Variants in ADGRV1 observed in about 807,000 individuals in gnomAD.
The protein encoded by ADGRV1 is adhesion G protein-coupled receptor V1, also known as G-protein coupled receptor 98.
In ADGRV1, 359 loss-of-function variants were observed where a neutral mutation model predicts 596.2. The observed-to-expected ratio is 0.60, with a 90% CI of 0.55 to 0.66. ADGRV1 has a LOEUF of 0.66. Ranked by LOEUF, ADGRV1 falls within the 30% of genes least tolerant of loss-of-function variation. The pLI is 0.00. For synonymous variants in ADGRV1, 2,681 were observed against 2,679.2 expected (o/e 1.00, Z -0.02); for missense variants, 7,274 against 7,575.6 (o/e 0.96, Z 1.48).
chr5:91,072,526 G>T lies in ADGRV1; in HGVS notation c.18232G>T (p.Val6078Leu). 1 of 1,613,868 alleles carries T rather than the reference G, an allele frequency of 6.2e-7. No individual in the cohort carries two copies. Among genetic ancestry groups the T allele is most frequent in the Admixed American group, 1.7e-5 (1 of 60,014 alleles). ...GACGTGCCTCGTGGTGGTGTTCGTG[G>T]TGTTCATCCATGCCTACCAGGTGAA... ...PLTCLVVVFV[V>L]FIHAYQVKPQ... The change falls in exon 86 of 90, where the codon GTG becomes TTG. Residue 6078 changes from valine to leucine, a missense_variant. By Grantham distance (32) the Val-to-Leu change is conservative. This residue lies in a region of ADGRV1 where 1,874 missense variants were observed against 1,970.2 expected (regional missense o/e 0.95). Coordinates refer to ENST00000405460, the MANE Select transcript of ADGRV1 (RefSeq NM_032119.4).
chr5:90,558,911 G>C lies in ADGRV1; in HGVS notation c.16G>C (p.Gly6Arg). 10 of 1,558,572 alleles carry C rather than the reference G, an allele frequency of 6.4e-6. No individual in the cohort carries two copies. Among genetic ancestry groups the C allele is most frequent in the South Asian group, 1.2e-5 (1 of 84,802 alleles). Residue 6 changes from glycine to arginine, a missense_variant, in exon 1 of 90, where the codon GGG becomes CGG. By Grantham distance (125) the Gly-to-Arg change is moderately radical. Coordinates refer to ENST00000405460, the MANE Select transcript of ADGRV1 (RefSeq NM_032119.4). MSVFL[G>R]PGMPSASLLV... ...GAGCGCGCGGATGTCGGTGTTCCTG[G>C]GGCCAGGTAGGCTATGGCTGAGGGG...
At chr5:90,937,621 C>T (rs932345916) in intron 83 of ADGRV1, among the ~76,000 whole-genome samples, 2 of 152,096 alleles carry the variant, frequency 1.3e-5, no homozygotes, top group Non-Finnish European at 2.9e-5. Context: ...CCACGCCCAG[C>T]TAATTTTTTG....
chr5:90,772,885 G>A (rs1314912702), intron 59 of ADGRV1, among the ~76,000 whole-genome samples: 1 of 152,198 alleles, frequency 6.6e-6, no homozygotes, highest in African/African-American at 2.4e-5. Context: ...AATACATTGA[G>A]TCTGATAGCG....
intron 5 of ADGRV1, among the ~76,000 whole-genome samples, chr5:90,624,695 A>G (rs1764511581): frequency 6.6e-6 from 1 of 152,182 alleles, no homozygotes; most frequent in Non-Finnish European, 1.5e-5. Flanking sequence ...CTAAATCTTT[A>G]GTACCTAAAA....
intron 85 of ADGRV1, among the ~76,000 whole-genome samples, chr5:91,071,559 A>C (rs1788390394): frequency 6.6e-6 from 1 of 152,196 alleles, no homozygotes; most frequent in African/African-American, 2.4e-5. Flanking sequence ...GAAGTCTAGA[A>C]ATGATGGGTT....
chr5:90,891,276 G>A (rs1166809343), intron 83 of ADGRV1, among the ~76,000 whole-genome samples: 3 of 150,642 alleles, frequency 2.0e-5, no homozygotes. Context: ...GTGTGTTGGA[G>A]TTAGCAATAG....
At chr5:91,041,031 T>A (rs1785295688) in intron 85 of ADGRV1, among the ~76,000 whole-genome samples, 1 of 152,198 alleles carries the variant, frequency 6.6e-6, no homozygotes, top group Admixed American at 6.5e-5. Flanking sequence ...CCAATTACAC[T>A]GTTGGTGGGA....
At chr5:91,121,009 A>G (rs999269727) in intron 87 of ADGRV1, among the ~76,000 whole-genome samples, 3 of 152,144 alleles carry the variant, frequency 2.0e-5, no homozygotes, top group African/African-American at 7.2e-5. Flanking sequence ...CCCCATTTCT[A>G]CTAAAAATAC....
intron 70 of ADGRV1, among the ~76,000 whole-genome samples, chr5:90,798,257 C>T (rs1222710199): frequency 6.6e-6 from 1 of 152,126 alleles, no homozygotes; most frequent in Non-Finnish European, 1.5e-5. Context: ...CCACTGATCC[C>T]ACAGAAATAC....
chr5:90,874,371 C>T (rs143956950), intron 83 of ADGRV1, among the ~76,000 whole-genome samples: 114 of 152,300 alleles, frequency 7.5e-4, no homozygotes, highest in African/African-American at 1.6e-3. Flanking sequence ...CCCACCCCTA[C>T]GGGGTCTCAT....
Position 90,823,480 on chromosome 5 carries a change from G to C in ADGRV1, c.16252G>C (p.Val5418Leu). Residue 5418 changes from valine to leucine, a missense_variant, in exon 76 of 90, where the codon GTG becomes CTG. Around this residue, in one of 5 missense-constraint regions of ADGRV1, gnomAD observed 1,874 missense variants for 1,970.2 expected, o/e 0.95. Transcript: ENST00000405460. ...WRVTLNKTVV[V>L]LQKDGVNLVE... Reference sequence around the variant, plus strand: ...AGTCACACTTAACAAAACAGTCGTCGTGCTCCAGAAGGATGGGGTAAACCT... The same window carrying C: ...AGTCACACTTAACAAAACAGTCGTCCTGCTCCAGAAGGATGGGGTAAACCT... The C allele has an allele frequency of 5.6e-6, 9 of 1,613,916 alleles. No homozygotes were observed. The highest frequency in any genetic ancestry group is 7.6e-6 in the Non-Finnish European group (9 of 1,179,848).
chr5:90,729,649 G>A lies in ADGRV1; in HGVS notation c.10434G>A (p.Gln3478=). The A allele has an allele frequency of 6.2e-7, 1 of 1,603,750 alleles. No homozygotes were observed. Among genetic ancestry groups the A allele is most frequent in the African/African-American group, 1.3e-5 (1 of 74,808 alleles). ...TCTATTTCATTATTGCAGGAGATCA[G>A]AATTCAATTGATATTTTCATCTGGG... ...IFAENVFLGD[Q]NSIDIFIWEM... Residue 3478 remains glutamine (Q), a synonymous_variant, in exon 50 of 90, where the codon CAG becomes CAA. Transcript: ENST00000405460.
intron 83 of ADGRV1, among the ~76,000 whole-genome samples, chr5:90,885,301 G>T (rs183529060): frequency 6.6e-6 from 1 of 152,194 alleles, no homozygotes; most frequent in East Asian, 1.9e-4. Context: ...CTTTCTAAAG[G>T]TTTTCTTGTT....
At chr5:91,103,370 T>C (rs1277027879) in intron 87 of ADGRV1, among the ~76,000 whole-genome samples, 1 of 151,414 alleles carries the variant, frequency 6.6e-6, no homozygotes, top group Non-Finnish European at 1.5e-5. Flanking sequence ...GTCCGGCCTC[T>C]CTGGGATCTG....
rs778312622 is a variant in ADGRV1, at chr5:91,072,590, G to A, written c.18296G>A (p.Arg6099Lys). The A allele has an allele frequency of 2.5e-6, 4 of 1,613,528 alleles. No individual in the cohort carries two copies. The highest frequency in any genetic ancestry group is 3.4e-6 in the Non-Finnish European group (4 of 1,179,656). The change falls in exon 86 of 90, where the codon AGG (arginine) becomes AAG (lysine). Residue 6099 changes from arginine (R) to lysine (K), a missense_variant. Physicochemically the swap from Arg to Lys is conservative, Grantham distance 26. Transcript: ENST00000405460. ...GCATATGATGATGTCTTCAGAGGAA[G>A]GACAAATGCTGCAGGTTTGAAAGGA... ...WKAYDDVFRG[R>K]TNAAEIPLIL...
At chr5:91,052,436 C>CTT (rs776174555) in intron 85 of ADGRV1, among the ~76,000 whole-genome samples, 6 of 140,428 alleles carry the variant, frequency 4.3e-5, no homozygotes, top group Admixed American at 7.2e-5. Flanking sequence ...CTGCATATTT[C>CTT]TTTTTTTTTT....
rs149820076 is a variant in ADGRV1 at position 91,138,644 on chromosome 5, T to G, written c.18433-11386T>G. Among the ~76,000 whole-genome samples the G allele has an allele frequency of 3.6e-4, 55 of 152,312 alleles. No homozygotes were observed. In the East Asian group the frequency reaches 0.01, roughly 28 times the overall value. On this transcript the variant is annotated intron_variant, in intron 87 of 89. Coordinates refer to ENST00000405460, the MANE Select transcript of ADGRV1 (RefSeq NM_032119.4). The stretch of plus-strand genomic sequence containing the variant: ...TGCTGGAATTATTACAATATTTATT[T>G]CTGTTTAGATGCTATATTATCTCAA...
In ADGRV1 at chr5:90,672,542, T is replaced by C. The variant is rs1364269341; in HGVS notation, c.4753-4T>C. 2.5e-6 allele frequency: 4 copies of C among 1,610,906 alleles called. No individual in the cohort carries two copies. The highest frequency in any genetic ancestry group is 2.5e-6 in the Non-Finnish European group (3 of 1,177,974). Reference sequence around the variant, plus strand: ...ACCTATTAATAATTTACATTCAATTTCAGATTGCAGAGGAGGGATCAACCA... The same window carrying C: ...ACCTATTAATAATTTACATTCAATTCCAGATTGCAGAGGAGGGATCAACCA... On this transcript the variant is annotated splice_region_variant and splice_polypyrimidine_tract_variant and intron_variant, in intron 21 of 89. Coordinates refer to ENST00000405460, the MANE Select transcript of ADGRV1 (RefSeq NM_032119.4).
chr5:90,577,617 T>C (rs1042328629), intron 1 of ADGRV1, among the ~76,000 whole-genome samples: 13 of 152,204 alleles, frequency 8.5e-5, no homozygotes, highest in South Asian at 8.3e-4. Context: ...TTTGGTTCCA[T>C]ATGAAGTTTA....
Sources: allele counts gnomAD v4.1 joint callset (sites outside exome capture counted in the v4.1 genomes callset), GRCh38; gene constraint gnomAD v4.1.1; regional missense constraint gnomAD v4.1.1; transcripts MANE v1.5; gene names NCBI Gene and HGNC (gene_info 2026-07-23, HGNC 2026-07-21).